SCUBE2: variants seen among roughly 807,000 people sequenced by gnomAD.
SCUBE2 encodes the protein signal peptide, CUB domain and EGF like domain containing 2, also known as signal peptide, CUB and EGF-like domain-containing protein 2.
A neutral mutation model predicts 125.9 loss-of-function variants in SCUBE2; 114 were observed. The observed-to-expected ratio is 0.91, with a 90% CI of 0.78 to 1.06. SCUBE2 has a LOEUF of 1.06. Among genes scored for constraint, SCUBE2 ranks in the 50% least tolerant of loss-of-function variants. The pLI, the probability that SCUBE2 is intolerant of heterozygous loss-of-function variation, is 0.00. For synonymous variants in SCUBE2, 459 were observed against 492.9 expected (o/e 0.93, Z 0.91); for missense variants, 1,255 against 1,301.8 (o/e 0.96, Z 0.55).
intron 21 of SCUBE2, among the ~76,000 whole-genome samples, chr11:9,023,617 C>G (rs1855490623): frequency 6.6e-6 from 1 of 152,224 alleles, no homozygotes; most frequent in Non-Finnish European, 1.5e-5. Context: ...CTTGCTCCAA[C>G]TCATTAGAAA....
At chr11:9,025,539 A>G (rs1566158055) in intron 21 of SCUBE2, 163 bp downstream of exon 21, 4 of 677,678 alleles carry the variant, frequency 5.9e-6, no homozygotes, top group African/African-American at 1.8e-5. Flanking sequence ...AGTGTCCCCA[A>G]ATGCCTGTTA....
chr11:9,077,529 G>C (rs1471287588), intron 3 of SCUBE2, among the ~76,000 whole-genome samples: 1 of 152,156 alleles, frequency 6.6e-6, no homozygotes, highest in Non-Finnish European at 1.5e-5. Context: ...GCTAATGTGT[G>C]GTTAGGAGGC....
intron 16 of SCUBE2, among the ~76,000 whole-genome samples, chr11:9,042,918 C>T (rs956174124): frequency 6.6e-6 from 1 of 152,186 alleles, no homozygotes; most frequent in African/African-American, 2.4e-5. Context: ...TCATAGGCAA[C>T]ACATTCAAAA....
At chr11:9,037,757 A>G (rs1047947133) in intron 16 of SCUBE2, among the ~76,000 whole-genome samples, 1 of 152,142 alleles carries the variant, frequency 6.6e-6, no homozygotes, top group African/African-American at 2.4e-5. Context: ...TTGATTTTTC[A>G]TTGTCCAGGT....
intron 16 of SCUBE2, among the ~76,000 whole-genome samples, chr11:9,040,179 T>A (rs992696372): frequency 6.6e-6 from 1 of 152,142 alleles, no homozygotes; most frequent in African/African-American, 2.4e-5. Flanking sequence ...CCTCGGAGAG[T>A]ACCACACCCT....
At chr11:9,081,248 T>C (rs1455883001) in intron 2 of SCUBE2, among the ~76,000 whole-genome samples, 1 of 152,202 alleles carries the variant, frequency 6.6e-6, no homozygotes, top group African/African-American at 2.4e-5. Context: ...AAAACAATCA[T>C]AATGTTGTGA....
At chr11:9,028,707 G>A (rs1244695732) in intron 19 of SCUBE2, among the ~76,000 whole-genome samples, 2 of 151,856 alleles carry the variant, frequency 1.3e-5, no homozygotes, top group East Asian at 3.8e-4. Context: ...AAAAGAGGAG[G>A]AAGGGGGAGC....
At chr11:9,065,760 T>G in intron 7 of SCUBE2, 131 bp downstream of exon 7, 1 of 706,172 alleles carries the variant, frequency 1.4e-6, no homozygotes. Flanking sequence ...CACACCCTGG[T>G]TCACAGGAGC....
chr11:9,069,346 A>G, intron 5 of SCUBE2, 24 bp downstream of exon 5: 1 of 1,613,136 alleles, frequency 6.2e-7, no homozygotes, highest in Non-Finnish European at 8.5e-7. Context: ...TTCCCATGGC[A>G]GGTGTGCACT....
intron 2 of SCUBE2, among the ~76,000 whole-genome samples, chr11:9,085,629 G>C (rs766376256): frequency 2.6e-5 from 4 of 152,046 alleles, no homozygotes; most frequent in Non-Finnish European, 5.9e-5. Flanking sequence ...GGGAGGCTGA[G>C]GAAGGAGAAT....
chr11:9,026,019 G>A, intron 20 of SCUBE2, 165 bp from the exon 21 acceptor site: 1 of 680,736 alleles, frequency 1.5e-6, no homozygotes, highest in Non-Finnish European at 2.4e-6. Context: ...AAACAGAGTA[G>A]ATTCAGCTGG....
At chr11:9,041,746 A>C (rs186841707) in intron 16 of SCUBE2, among the ~76,000 whole-genome samples, 1 of 152,320 alleles carries the variant, frequency 6.6e-6, no homozygotes, top group East Asian at 1.9e-4. Flanking sequence ...TTCGTTCTAC[A>C]CAGAATGGGG....
At chr11:9,050,459 C>A in intron 14 of SCUBE2, 147 bp downstream of exon 14, 1 of 655,684 alleles carries the variant, frequency 1.5e-6, no homozygotes, top group East Asian at 2.6e-5. Flanking sequence ...GGATGAGTCC[C>A]TGGAAGTTGG....
At chr11:9,040,557 A>G (rs7108565) in intron 16 of SCUBE2, among the ~76,000 whole-genome samples, 6,117 of 31,002 alleles carry the variant, frequency 0.2, 536 homozygotes, top group East Asian at 0.42. Context: ...GGTACACAGC[A>G]TGGGTACGTA....
At position 9,033,680 on chromosome 11, in the gene SCUBE2, C is replaced by A; in HGVS notation, c.2119G>T (p.Gly707Ter). ...QMTCEPCPRP[G>*]NSGALKTPEA... ...GGGGTCTTCAGGGCCCCAGAATTTCCTGGTCTTGGGCATGGTTCACAAGTC... is the reference window on the plus strand; with the variant it reads ...GGGGTCTTCAGGGCCCCAGAATTTCATGGTCTTGGGCATGGTTCACAAGTC... The change falls in exon 17 of 23, where the codon GGA becomes TGA. Residue 707 changes from glycine to a stop codon, truncating the protein, a stop_gained. Coordinates refer to ENST00000649792, the MANE Select transcript of SCUBE2 (RefSeq NM_001367977.2). LOFTEE classifies it high-confidence loss of function. 6.2e-7 allele frequency: 1 copy of A among 1,614,134 alleles called. No homozygotes were observed. Among genetic ancestry groups the A allele is most frequent in the Non-Finnish European group, 8.5e-7 (1 of 1,180,032 alleles).
intron 4 of SCUBE2, among the ~76,000 whole-genome samples, chr11:9,073,385 A>T (rs188054992): frequency 1.3e-5 from 2 of 152,314 alleles, no homozygotes; most frequent in Non-Finnish European, 2.9e-5. Flanking sequence ...GATGATAGCC[A>T]TCAAACCCAT....
intron 15 of SCUBE2, 78 bp downstream of exon 15, chr11:9,047,865 A>C: frequency 6.8e-7 from 1 of 1,477,066 alleles, no homozygotes; most frequent in Non-Finnish European, 9.1e-7. Context: ...TTCCCCCAAG[A>C]ATAATAAAAA....
At chr11:9,021,775 G>T in intron 22 of SCUBE2, 101 bp downstream of exon 22, 2 of 864,772 alleles carry the variant, frequency 2.3e-6, no homozygotes, top group Non-Finnish European at 3.9e-6. Context: ...CAGGCTCCGT[G>T]TCTGAAAGGT....
intron 7 of SCUBE2, among the ~76,000 whole-genome samples, chr11:9,065,358 G>A (rs933862713): frequency 6.6e-6 from 1 of 152,084 alleles, no homozygotes; most frequent in South Asian, 2.1e-4. Context: ...ACAAGTGTTT[G>A]GTAGTTCCTC....
Sources: allele counts gnomAD v4.1 joint callset (sites outside exome capture counted in the v4.1 genomes callset), GRCh38; gene constraint gnomAD v4.1.1; transcripts MANE v1.5; gene names NCBI Gene and HGNC (gene_info 2026-07-23, HGNC 2026-07-21).